ZFAND3: variants seen among roughly 807,000 people sequenced by gnomAD.
The protein encoded by ZFAND3 is AN1-type zinc finger protein 3.
In ZFAND3, 10 loss-of-function variants were observed where a neutral mutation model predicts 29.6. That is an observed-to-expected ratio of 0.34 (90% CI 0.21 to 0.57). The LOEUF (loss-of-function observed/expected upper bound fraction) is 0.57, where lower values mean the gene tolerates loss of function less well. Ranked by LOEUF, ZFAND3 falls within the 20% of genes least tolerant of loss-of-function variation. The pLI is 0.86. For missense variants in ZFAND3, 230 were observed against 304.5 expected (o/e 0.76, Z 1.82); for synonymous variants, 128 against 112.6 (o/e 1.14, Z -0.87).
intron 2 of ZFAND3, among the ~76,000 whole-genome samples, chr6:37,954,233 AT>A (rs36082849): frequency 0.78 from 119,246 of 151,910 alleles, 47,591 homozygotes; most frequent in Non-Finnish European, 0.85. Context: ...GTTCATTGAG[AT>A]TTTTTGGACC....
intron 2 of ZFAND3, among the ~76,000 whole-genome samples, chr6:37,943,849 A>G (rs373818519): frequency 6.6e-6 from 1 of 152,186 alleles, no homozygotes; most frequent in African/African-American, 2.4e-5. Context: ...GGTGAGGGTA[A>G]AGTGGCTTAT....
intron 2 of ZFAND3, among the ~76,000 whole-genome samples, chr6:37,965,759 G>A (rs1412267766): frequency 6.6e-6 from 1 of 152,040 alleles, no homozygotes; most frequent in African/African-American, 2.4e-5. Context: ...TGGCAGTGTG[G>A]CCAGAAGAAT....
At chr6:37,828,776 G>A (rs541399494) in intron 1 of ZFAND3, among the ~76,000 whole-genome samples, 1 of 151,782 alleles carries the variant, frequency 6.6e-6, no homozygotes, top group African/African-American at 2.4e-5. Flanking sequence ...TCAGCCTCCC[G>A]AGTAGCTGGG....
At chr6:37,966,268 G>C (rs1023054271) in intron 2 of ZFAND3, among the ~76,000 whole-genome samples, 1 of 152,192 alleles carries the variant, frequency 6.6e-6, no homozygotes, top group Non-Finnish European at 1.5e-5. Flanking sequence ...ACAAATGCTA[G>C]AATGTGACCA....
chr6:37,855,977 A>G (rs563271875), intron 1 of ZFAND3, among the ~76,000 whole-genome samples: 3 of 149,128 alleles, frequency 2.0e-5, no homozygotes, highest in Admixed American at 2.0e-4. Flanking sequence ...TTTTAGACCT[A>G]TTTCCTGACA....
At chr6:37,982,937 AATGT>A (rs1762604430) in intron 2 of ZFAND3, among the ~76,000 whole-genome samples, 1 of 152,224 alleles carries the variant, frequency 6.6e-6, no homozygotes, top group Non-Finnish European at 1.5e-5. Context: ...GACTTAGGCT[AATGT>A]ATGTGTTTGT....
chr6:37,885,160 T>C (rs1178832240), intron 1 of ZFAND3, among the ~76,000 whole-genome samples: 2 of 133,276 alleles, frequency 1.5e-5, no homozygotes, highest in African/African-American at 5.2e-5. Context: ...GTGGGAGAAA[T>C]GATTAACATG....
chr6:37,921,711 A>G (rs900315101), intron 1 of ZFAND3, among the ~76,000 whole-genome samples: 10 of 152,118 alleles, frequency 6.6e-5, no homozygotes, highest in African/African-American at 2.4e-4. Flanking sequence ...AGAAACATTT[A>G]ACAACATAAT....
At chr6:38,145,705 A>G (rs1766091098) in intron 5 of ZFAND3, among the ~76,000 whole-genome samples, 1 of 152,128 alleles carries the variant, frequency 6.6e-6, no homozygotes. Flanking sequence ...TCTGCCGGGA[A>G]TGTGTTTCTA....
intron 2 of ZFAND3, among the ~76,000 whole-genome samples, chr6:37,985,021 T>C (rs1042948127): frequency 6.6e-6 from 1 of 152,246 alleles, no homozygotes; most frequent in South Asian, 2.1e-4. Flanking sequence ...TTCAATGATA[T>C]AAGACTTCCA....
At chr6:37,933,114 T>C (rs1359821868) in intron 2 of ZFAND3, among the ~76,000 whole-genome samples, 3 of 152,246 alleles carry the variant, frequency 2.0e-5, no homozygotes, top group Non-Finnish European at 4.4e-5. Context: ...ATAAAGATTA[T>C]TTTGGCCAAA....
At chr6:37,897,300 T>C (rs1043148802) in intron 1 of ZFAND3, among the ~76,000 whole-genome samples, 1 of 152,246 alleles carries the variant, frequency 6.6e-6, no homozygotes, top group Non-Finnish European at 1.5e-5. Flanking sequence ...TAGGCACTTC[T>C]TCATGTCTGG....
At chr6:38,101,042 T>A (rs933700683) in intron 4 of ZFAND3, among the ~76,000 whole-genome samples, 1 of 152,226 alleles carries the variant, frequency 6.6e-6, no homozygotes, top group African/African-American at 2.4e-5. Flanking sequence ...ATATAACATA[T>A]AGTTGAGTTT....
At position 37,994,095 on chromosome 6, in the gene ZFAND3, G is replaced by A. The variant is rs150437740; in HGVS notation, c.112+64096G>A. The stretch of plus-strand genomic sequence containing the variant: ...TAGAATTATGTGTCTGTAGTTCAAA[G>A]AACAAGTTCATGGAGTGTGTGTCTG... On this transcript the variant is annotated intron_variant, in intron 2 of 5. Transcript: ENST00000287218. 4.0e-3 allele frequency among the ~76,000 whole-genome samples: 585 copies of A among 146,562 alleles called. 13 individuals are homozygous for A. Among genetic ancestry groups the A allele is most frequent in the Admixed American group, 0.038 (534 of 14,142 alleles).
chr6:38,063,898 T>G (rs1349371562), intron 3 of ZFAND3, among the ~76,000 whole-genome samples: 1 of 152,162 alleles, frequency 6.6e-6, no homozygotes, highest in Non-Finnish European at 1.5e-5. Context: ...AAAGAATTTT[T>G]TAAATATTAT....
intron 2 of ZFAND3, among the ~76,000 whole-genome samples, chr6:38,018,385 A>G (rs1476158574): frequency 1.3e-5 from 2 of 152,180 alleles, no homozygotes; most frequent in African/African-American, 2.4e-5. Context: ...TTTACATTCT[A>G]TTTTCAAAAC....
chr6:38,153,443 A>G lies in ZFAND3; in HGVS notation c.*1054A>G. 1 of 985,568 alleles carries G rather than the reference A, an allele frequency of 1.0e-6. No homozygotes were observed. Among genetic ancestry groups the G allele is most frequent in the Non-Finnish European group, 1.2e-6 (1 of 830,036 alleles). The allele number at this position is 985,568 out of a possible 1,614,324, so 61.1% of individuals were successfully genotyped here. On this transcript the variant is annotated 3_prime_UTR_variant, in exon 6 of 6. Coordinates refer to ENST00000287218, the MANE Select transcript of ZFAND3 (RefSeq NM_021943.3). ...CGTTTCTATGCAGCCCCATAGTCCA[A>G]GGACACCCAGTCCACATCTACCATA...
intron 2 of ZFAND3, among the ~76,000 whole-genome samples, chr6:38,034,026 T>C (rs1763612116): frequency 6.6e-6 from 1 of 152,226 alleles, no homozygotes; most frequent in African/African-American, 2.4e-5. Context: ...GCTTGTGCAT[T>C]GATTTTCTAA....
intron 1 of ZFAND3, among the ~76,000 whole-genome samples, chr6:37,877,007 G>A (rs772579187): frequency 1.8e-4 from 27 of 152,164 alleles, no homozygotes; most frequent in Non-Finnish European, 3.4e-4. Context: ...GTGACACACA[G>A]ATCCTAGGTT....
Sources: gnomAD v4.1 joint callset for allele counts (sites outside exome capture counted in the v4.1 genomes callset) on GRCh38, gnomAD v4.1.1 for gene constraint, MANE v1.5 for transcripts, NCBI Gene and HGNC (gene_info 2026-07-23, HGNC 2026-07-21) for gene names.